RYK: variants seen among roughly 807,000 people sequenced by gnomAD.
The protein encoded by RYK is inactive tyrosine-protein kinase RYK.
In RYK, 21 loss-of-function variants were observed where a neutral mutation model predicts 70.2. That is an observed-to-expected ratio of 0.30 (90% CI 0.21 to 0.43). The LOEUF (loss-of-function observed/expected upper bound fraction) is 0.43, where lower values mean the gene tolerates loss of function less well. Among genes scored for constraint, RYK ranks in the 20% least tolerant of loss-of-function variants. RYK has a pLI of 1.00. For synonymous variants in RYK, 267 were observed against 278.0 expected (o/e 0.96, Z 0.39); for missense variants, 604 against 753.3 (o/e 0.80, Z 2.32).
chr3:134,229,193 C>T (rs111590252), intron 1 of RYK, among the ~76,000 whole-genome samples: 3 of 151,980 alleles, frequency 2.0e-5, no homozygotes, highest in Non-Finnish European at 4.4e-5. Flanking sequence ...TCTGCCAGAG[C>T]GGAGCGCTCC....
chr3:134,219,359 A>G (rs1309916054), intron 2 of RYK, among the ~76,000 whole-genome samples: 1 of 152,160 alleles, frequency 6.6e-6, no homozygotes, highest in Non-Finnish European at 1.5e-5. Flanking sequence ...GAATCAGTAA[A>G]AGAAGGTTTT....
At chr3:134,158,498 A>C (rs2012328956) in intron 14 of RYK, among the ~76,000 whole-genome samples, 2 of 152,260 alleles carry the variant, frequency 1.3e-5, no homozygotes, top group Admixed American at 6.5e-5. Flanking sequence ...TATTTCAGCA[A>C]ATACAGAGAT....
chr3:134,230,522 G>A (rs9880098), intron 1 of RYK, among the ~76,000 whole-genome samples: 46,097 of 152,136 alleles, frequency 0.3, 8,522 homozygotes, highest in Middle Eastern at 0.46. Context: ...TGTAACAATA[G>A]GGATGAATTT....
chr3:134,226,308 T>C (rs910737071), intron 1 of RYK, among the ~76,000 whole-genome samples: 11 of 152,030 alleles, frequency 7.2e-5, no homozygotes, highest in African/African-American at 2.7e-4. Flanking sequence ...GAAGCACCCT[T>C]TAAAAACATA....
At position 134,191,853 on chromosome 3, in the gene RYK, T is replaced by C; in HGVS notation, c.1011A>G (p.Gln337=). Residue 337 remains glutamine (Q), a synonymous_variant, in exon 8 of 15, where the codon CAA becomes CAG. Transcript: ENST00000623711. ...RERITLKDVL[Q]EGTFGRIFHG... Reference sequence around the variant, plus strand: ...CGACTTTGAGATAATAAATACCTTCTTGGAGTACATCTTTTAGAGTTATCC... The same window carrying C: ...CGACTTTGAGATAATAAATACCTTCCTGGAGTACATCTTTTAGAGTTATCC... 2 of 1,607,384 alleles carry C rather than the reference T, an allele frequency of 1.2e-6. No individual in the cohort carries two copies. Among genetic ancestry groups the C allele is most frequent in the South Asian group, 1.1e-5 (1 of 89,094 alleles).
chr3:134,178,369 C>T (rs963592951), intron 10 of RYK: 1 of 220,420 alleles, frequency 4.5e-6, no homozygotes, highest in Non-Finnish European at 8.7e-6. Context: ...TATATCTTTA[C>T]TCCAAAGGGC....
At chr3:134,160,344 A>C (rs139272965) in intron 13 of RYK, among the ~76,000 whole-genome samples, 4 of 152,334 alleles carry the variant, frequency 2.6e-5, no homozygotes, top group Non-Finnish European at 4.4e-5. Context: ...AAAAAAGTGA[A>C]AAAAAGAAAA....
At chr3:134,189,675 G>A (rs1388341863) in intron 8 of RYK, among the ~76,000 whole-genome samples, 1 of 149,810 alleles carries the variant, frequency 6.7e-6, no homozygotes, top group Non-Finnish European at 1.5e-5. Flanking sequence ...CCCGGGAGGT[G>A]GAGCCTGCAG....
intron 5 of RYK, 105 bp downstream of exon 5, chr3:134,207,367 A>C: frequency 3.4e-6 from 2 of 587,588 alleles, no homozygotes; most frequent in South Asian, 6.5e-5. Context: ...TGGTGTCATT[A>C]TCATTTGATA....
intron 8 of RYK, among the ~76,000 whole-genome samples, chr3:134,189,811 C>A (rs1157276147): frequency 6.6e-6 from 1 of 150,552 alleles, no homozygotes; most frequent in Non-Finnish European, 1.5e-5. Context: ...ATGACCTTTG[C>A]GGGTGCTAGG....
intron 3 of RYK, 140 bp from the exon 4 acceptor site, chr3:134,209,969 TAAACA>T (rs1432158790): frequency 9.2e-6 from 6 of 655,086 alleles, no homozygotes; most frequent in South Asian, 2.3e-5. Context: ...ATAAAGTAAC[TAAACA>T]AAAGTTTTTA....
chr3:134,226,425 G>A (rs1000497404), intron 1 of RYK, among the ~76,000 whole-genome samples: 1 of 152,134 alleles, frequency 6.6e-6, no homozygotes, highest in Non-Finnish European at 1.5e-5. Context: ...ATTTAGGGAA[G>A]ACACAACACC....
At chr3:134,205,707 G>A (rs1344229753) in intron 5 of RYK, among the ~76,000 whole-genome samples, 1 of 152,216 alleles carries the variant, frequency 6.6e-6, no homozygotes, top group African/African-American at 2.4e-5. Flanking sequence ...TCTCAGAAGA[G>A]CTGTCACTGT....
At position 134,250,598 on chromosome 3, in the gene RYK, G is replaced by T; in HGVS notation, c.57C>A (p.Arg19=). 9.5e-7 allele frequency: 1 copy of T among 1,055,276 alleles called. No individual in the cohort carries two copies. Among genetic ancestry groups the T allele is most frequent in the Non-Finnish European group, 1.2e-6 (1 of 868,774 alleles). The allele number at this position is 1,055,276 out of a possible 1,614,324, so 65.4% of individuals were successfully genotyped here. ...RPGRSCLPGA[R]GLRAPPPPPL... ...GCGGCGGCGGCGGGGCCCTCAGGCC[G>T]CGGGCCCCCGGGAGGCAACTCCGGC... The change falls in exon 1 of 15, where the codon CGC becomes CGA. Residue 19 remains arginine, a synonymous_variant. Transcript: ENST00000623711.
At chr3:134,235,972 A>C (rs946551895) in intron 1 of RYK, among the ~76,000 whole-genome samples, 1 of 152,086 alleles carries the variant, frequency 6.6e-6, no homozygotes, top group Non-Finnish European at 1.5e-5. Flanking sequence ...GAGACAGATC[A>C]CTTCTAAGGT....
chr3:134,242,884 T>C (rs562934760), intron 1 of RYK, among the ~76,000 whole-genome samples: 2 of 152,322 alleles, frequency 1.3e-5, no homozygotes, highest in East Asian at 1.9e-4. Flanking sequence ...AAACCCACAA[T>C]TGCACAATGT....
intron 2 of RYK, among the ~76,000 whole-genome samples, chr3:134,212,620 G>A (rs1167624865): frequency 6.6e-6 from 1 of 152,174 alleles, no homozygotes; most frequent in East Asian, 1.9e-4. Context: ...ATGGTGAAGT[G>A]GGGGGTGTTC....
At chr3:134,223,625 C>G (rs961771387) in intron 1 of RYK, among the ~76,000 whole-genome samples, 5 of 148,716 alleles carry the variant, frequency 3.4e-5, no homozygotes, top group Admixed American at 3.3e-4. Flanking sequence ...AAAAAAAAAT[C>G]ACACAGAGGA....
chr3:134,201,531 G>GAGAC (rs2014020310), intron 6 of RYK, among the ~76,000 whole-genome samples: 1 of 151,978 alleles, frequency 6.6e-6, no homozygotes, highest in African/African-American at 2.4e-5. Flanking sequence ...GAGAGAGAGA[G>GAGAC]AGACAGAGAC....
Sources: allele counts gnomAD v4.1 joint callset (sites outside exome capture counted in the v4.1 genomes callset), GRCh38; gene constraint gnomAD v4.1.1; transcripts MANE v1.5; gene names NCBI Gene and HGNC (gene_info 2026-07-23, HGNC 2026-07-21).